SMG6: variants seen among roughly 807,000 people sequenced by gnomAD.
The protein encoded by SMG6 is telomerase-binding protein EST1A.
SMG6 carries 66 observed loss-of-function variants against 142.2 expected under a neutral mutation model. That is an observed-to-expected ratio of 0.46 (90% CI 0.38 to 0.57). SMG6 has a LOEUF of 0.57. SMG6 is among the 20% of genes least tolerant of loss of function. The probability of loss-of-function intolerance (pLI) is 0.00; values close to 1 mark genes in which losing one functional copy is unlikely to be tolerated. For synonymous variants in SMG6, 779 were observed against 702.4 expected (o/e 1.11, Z -1.72); for missense variants, 1,793 against 1,832.0 (o/e 0.98, Z 0.39).
chr17:2,173,845 CTTTTTTTTTTTTTTT>C (rs35215989), intron 12 of SMG6, among the ~76,000 whole-genome samples: 13 of 74,828 alleles, frequency 1.7e-4, no homozygotes, highest in Admixed American at 8.6e-4. Context: ...ATCCATAAAG[CTTTTTTTTTTTTTTT>C]TTTTTTTTTT....
At chr17:2,098,410 G>T (rs1036079778) in intron 13 of SMG6, among the ~76,000 whole-genome samples, 40 of 152,070 alleles carry the variant, frequency 2.6e-4, no homozygotes, top group African/African-American at 9.2e-4. Context: ...CTTCACCAAG[G>T]TCTTCTCCCC....
rs1343175136 is a variant in SMG6 at position 2,085,252 on chromosome 17, G to C, written c.3534+473C>G. Among the ~76,000 whole-genome samples, 2 of 142,328 alleles carry C rather than the reference G, an allele frequency of 1.4e-5. No individual in the cohort carries two copies. The highest frequency in any genetic ancestry group is 5.0e-5 in the African/African-American group (2 of 39,620). 93.4% of individuals were successfully genotyped at this position (142,328 alleles called of 152,430 possible). ...GAGGAGAATTCCTTAATCACATCAG[G>C]ATGTGCAGGAGGGAGGGAGGGAACA... On this transcript the variant is annotated intron_variant, in intron 14 of 18. Transcript: ENST00000263073. This position sits in a 1 kb window ranked among gnomAD's most constrained non-coding sequence, Gnocchi z 4.1.
chr17:2,212,162 G>A (rs2072883696), intron 10 of SMG6, among the ~76,000 whole-genome samples: 1 of 152,236 alleles, frequency 6.6e-6, no homozygotes, highest in Non-Finnish European at 1.5e-5. Flanking sequence ...TCAAAGGAAG[G>A]GAAGTGTATA....
At chr17:2,238,943 G>C (rs1597681647) in intron 9 of SMG6, among the ~76,000 whole-genome samples, 1 of 149,646 alleles carries the variant, frequency 6.7e-6, no homozygotes, top group African/African-American at 2.6e-5. Flanking sequence ...AGAGAAGGTG[G>C]ATCTATTCAT....
chr17:2,174,598 G>A (rs144602628), intron 12 of SMG6, among the ~76,000 whole-genome samples: 20 of 152,248 alleles, frequency 1.3e-4, no homozygotes, highest in East Asian at 3.9e-4. Flanking sequence ...ATCAACACAC[G>A]TGTACTGCAG....
intron 10 of SMG6, among the ~76,000 whole-genome samples, chr17:2,233,860 G>T (rs887625610): frequency 6.6e-6 from 1 of 152,194 alleles, no homozygotes; most frequent in Non-Finnish European, 1.5e-5. Flanking sequence ...AGCGGGGTCT[G>T]GATGGCCACC....
intron 10 of SMG6, among the ~76,000 whole-genome samples, chr17:2,220,954 T>A (rs113013695): frequency 6.6e-6 from 1 of 152,202 alleles, no homozygotes; most frequent in Non-Finnish European, 1.5e-5. Context: ...TTAGTTTTCA[T>A]AAATAGGACA....
In SMG6 at chr17:2,188,644, T is replaced by TA; in HGVS notation, c.2870-130dup. 7.0e-6 allele frequency: 5 copies of TA among 715,084 alleles called. No homozygotes were observed. In the South Asian group the frequency reaches 8.9e-5, roughly 13 times the overall value. The allele number at this position is 715,084 out of a possible 1,614,324, so 44.3% of individuals were successfully genotyped here. A position where few individuals can be genotyped will look rare whatever the true frequency, so the allele number is the denominator to read the frequency against. On this transcript the variant is annotated intron_variant, in intron 10 of 18. Transcript: ENST00000263073. ...GATATTCCCTCTCTCAGAGTGGTCATAAGGCCAAGTAGAAAATGCATGTGA... is the reference window on the plus strand; with the variant it reads ...GATATTCCCTCTCTCAGAGTGGTCATAAAGGCCAAGTAGAAAATGCATGTGA...
At chr17:2,083,879 G>A (rs1217365673) in intron 14 of SMG6, among the ~76,000 whole-genome samples, 1 of 152,210 alleles carries the variant, frequency 6.6e-6, no homozygotes, top group Non-Finnish European at 1.5e-5. Flanking sequence ...ACAGACCAGG[G>A]TAAGCACAGT....
At chr17:2,149,658 G>A (rs2070770610) in intron 13 of SMG6, among the ~76,000 whole-genome samples, 1 of 152,172 alleles carries the variant, frequency 6.6e-6, no homozygotes, top group South Asian at 2.1e-4. Flanking sequence ...GACTGGCAAG[G>A]CCAAATATTG....
At chr17:2,224,618 T>A (rs2073264097) in intron 10 of SMG6, among the ~76,000 whole-genome samples, 1 of 152,048 alleles carries the variant, frequency 6.6e-6, no homozygotes, top group Non-Finnish European at 1.5e-5. Flanking sequence ...AAACTAAGCC[T>A]GATGTATGTC....
At chr17:2,215,226 C>T (rs1040623844) in intron 10 of SMG6, among the ~76,000 whole-genome samples, 4 of 152,040 alleles carry the variant, frequency 2.6e-5, no homozygotes, top group African/African-American at 7.2e-5. Context: ...CACACACACG[C>T]GCGCGCACAC....
At chr17:2,200,528 A>G (rs79833003) in intron 10 of SMG6, among the ~76,000 whole-genome samples, 161 of 63,784 alleles carry the variant, frequency 2.5e-3, no homozygotes, top group African/African-American at 8.9e-3. Context: ...CCACGACAGA[A>G]AAAAAAAAAA....
At chr17:2,274,195 T>C (rs1416189457) in intron 8 of SMG6, among the ~76,000 whole-genome samples, 1 of 152,232 alleles carries the variant, frequency 6.6e-6, no homozygotes, top group Non-Finnish European at 1.5e-5. Context: ...ATATGCCCTA[T>C]AAAGTAATTT....
At chr17:2,158,570 A>C (rs1005103210) in intron 13 of SMG6, among the ~76,000 whole-genome samples, 2 of 152,196 alleles carry the variant, frequency 1.3e-5, no homozygotes, top group African/African-American at 4.8e-5. Flanking sequence ...AAATGATGGC[A>C]ATTCTAGAGT....
intron 8 of SMG6, among the ~76,000 whole-genome samples, chr17:2,264,731 G>A (rs1372718842): frequency 3.3e-5 from 5 of 151,618 alleles, no homozygotes; most frequent in Admixed American, 6.6e-5. Context: ...GTGAAACCCC[G>A]TCTCTACGGA....
chr17:2,184,960 CAAAAAAAAA>C lies in SMG6; in HGVS notation c.3155+1694_3155+1702del, dbSNP rs58230459. ...TGGGAGACAGAGCGGGACTCCATCT[CAAAAAAAAA>C]AAAAAAAAAAAAAAAAAGACAGCTA... On this transcript the variant is annotated intron_variant, in intron 12 of 18. Transcript: ENST00000263073. Among the ~76,000 whole-genome samples, 26 of 22,476 alleles carry C rather than the reference CAAAAAAAAA, an allele frequency of 1.2e-3. No individual in the cohort carries two copies. In the East Asian group the frequency reaches 0.029, roughly 25 times the overall value. The allele number at this position is 22,476 out of a possible 152,430, so 14.7% of individuals were successfully genotyped here.
intron 10 of SMG6, among the ~76,000 whole-genome samples, chr17:2,194,822 G>A (rs142557689): frequency 2.3e-3 from 353 of 152,314 alleles, no homozygotes; most frequent in Middle Eastern, 0.01. Context: ...TGTATTCTCG[G>A]CAGGTTCCAG....
At chr17:2,121,887 G>C (rs1264749989) in intron 13 of SMG6, among the ~76,000 whole-genome samples, 2 of 152,102 alleles carry the variant, frequency 1.3e-5, no homozygotes, top group East Asian at 3.9e-4. Flanking sequence ...AGGCTGGAGT[G>C]CATGGCGCAA....
Sources: gnomAD v4.1 joint callset for allele counts (sites outside exome capture counted in the v4.1 genomes callset) on GRCh38, gnomAD v4.1.1 for gene constraint, Gnocchi (gnomAD v3.1) non-coding constraint, MANE v1.5 for transcripts, NCBI Gene and HGNC (gene_info 2026-07-23, HGNC 2026-07-21) for gene names.